CDH18: variants seen among roughly 807,000 people sequenced by gnomAD.
CDH18 encodes cadherin-18.
CDH18 carries 31 observed loss-of-function variants against 67.9 expected under a neutral mutation model. The observed-to-expected ratio is 0.46, with a 90% CI of 0.34 to 0.62. The LOEUF is 0.62. CDH18 is among the 20% of genes least tolerant of loss of function. The pLI is 0.01. For synonymous variants in CDH18, 362 were observed against 347.2 expected, an observed-to-expected ratio of 1.04 and a Z score of -0.48; for missense variants, 890 against 975.5, an observed-to-expected ratio of 0.91 and a Z score of 1.17.
intron 2 of CDH18, among the ~76,000 whole-genome samples, chr5:19,869,981 G>C (rs1224917776): frequency 6.6e-6 from 1 of 152,058 alleles, no homozygotes; most frequent in Admixed American, 6.6e-5. Flanking sequence ...GGAAATTCAA[G>C]TTGTAAACAT....
At chr5:19,520,314 C>T (rs1397205685) in intron 10 of CDH18, among the ~76,000 whole-genome samples, 1 of 152,186 alleles carries the variant, frequency 6.6e-6, no homozygotes, top group Admixed American at 6.5e-5. Flanking sequence ...GTCCCTCTGA[C>T]ACAATCAAGT....
At chr5:20,065,116 T>C (rs940900704) in intron 2 of CDH18, among the ~76,000 whole-genome samples, 7 of 151,972 alleles carry the variant, frequency 4.6e-5, no homozygotes, top group Non-Finnish European at 1.0e-4. Flanking sequence ...GGGAAACTTA[T>C]TGATATATTT....
At chr5:20,518,159 T>C (rs1017247924) in intron 1 of CDH18, among the ~76,000 whole-genome samples, 4 of 152,088 alleles carry the variant, frequency 2.6e-5, no homozygotes, top group Admixed American at 6.6e-5. Context: ...ATCTACTAAC[T>C]CTACCTGGGA....
At chr5:20,384,858 T>A in intron 1 of CDH18, among the ~76,000 whole-genome samples, 1 of 152,202 alleles carries the variant, frequency 6.6e-6, no homozygotes, top group South Asian at 2.1e-4. Flanking sequence ...TTATTTTGAG[T>A]TGGAGTCTCA....
chr5:20,567,313 A>G (rs1013404594), intron 1 of CDH18, among the ~76,000 whole-genome samples: 4 of 152,210 alleles, frequency 2.6e-5, no homozygotes, highest in Non-Finnish European at 5.9e-5. Context: ...TAAACTTTCA[A>G]TTTACACTCT....
intron 9 of CDH18, among the ~76,000 whole-genome samples, chr5:19,530,765 A>C (rs1488900003): frequency 1.3e-5 from 2 of 152,170 alleles, no homozygotes; most frequent in African/African-American, 4.8e-5. Flanking sequence ...ACACGAACTC[A>C]TCATTTTTTA....
chr5:20,112,538 A>C (rs2126352503), intron 2 of CDH18, among the ~76,000 whole-genome samples: 1 of 152,196 alleles, frequency 6.6e-6, no homozygotes, highest in East Asian at 1.9e-4. Context: ...ATTGAAAAAT[A>C]AATCCCCAAA....
At chr5:20,499,850 T>A (rs1324465858) in intron 1 of CDH18, among the ~76,000 whole-genome samples, 1 of 152,172 alleles carries the variant, frequency 6.6e-6, no homozygotes, top group Non-Finnish European at 1.5e-5. Flanking sequence ...TGCTGTATAC[T>A]GACAAATTGC....
At chr5:20,043,038 C>T (rs1286267742) in intron 2 of CDH18, among the ~76,000 whole-genome samples, 6 of 152,042 alleles carry the variant, frequency 3.9e-5, no homozygotes, top group South Asian at 2.1e-4. Context: ...TTCTCAACCT[C>T]AGCACTGGTG....
chr5:20,349,940 A>C (rs1159964942), intron 1 of CDH18, among the ~76,000 whole-genome samples: 1 of 152,160 alleles, frequency 6.6e-6, no homozygotes, highest in East Asian at 1.9e-4. Flanking sequence ...ATTGTTTTAA[A>C]GATGATGTCA....
intron 1 of CDH18, among the ~76,000 whole-genome samples, chr5:20,406,972 A>G (rs932052107): frequency 6.6e-6 from 1 of 152,116 alleles, no homozygotes; most frequent in African/African-American, 2.4e-5. Flanking sequence ...CTAGCTGTCA[A>G]CCTCTTCCTA....
At chr5:19,695,974 C>A (rs569406478) in intron 5 of CDH18, among the ~76,000 whole-genome samples, 1 of 152,040 alleles carries the variant, frequency 6.6e-6, no homozygotes, top group Non-Finnish European at 1.5e-5. Flanking sequence ...AAACTATCAG[C>A]GTAAGCATAG....
rs140874446 is a variant in CDH18 at position 20,483,786 on chromosome 5, G to C, written c.-580+91676C>G. Reference sequence around the variant, plus strand: ...CATATAGATCAGTTCAATCAGAATGGATTAAAAACACTTAAATCTAAGACC... The same window carrying C: ...CATATAGATCAGTTCAATCAGAATGCATTAAAAACACTTAAATCTAAGACC... On this transcript the variant is annotated intron_variant, in intron 1 of 14. Transcript: ENST00000507958. Among the ~76,000 whole-genome samples, 555 of 151,994 alleles carry C rather than the reference G, an allele frequency of 3.7e-3. 2 individuals are homozygous for C. The highest frequency in any genetic ancestry group is 5.6e-3 in the Non-Finnish European group (378 of 67,882).
intron 2 of CDH18, among the ~76,000 whole-genome samples, chr5:19,877,244 TA>T (rs2150043672): frequency 1.3e-5 from 2 of 152,200 alleles, no homozygotes; most frequent in East Asian, 3.9e-4. Flanking sequence ...TTAAATGTCG[TA>T]AAAAGTGGGG....
chr5:19,758,680 A>G (rs1378820667), intron 3 of CDH18, among the ~76,000 whole-genome samples: 1 of 152,220 alleles, frequency 6.6e-6, no homozygotes. Context: ...TCTTCATTGT[A>G]GGAGGTGCCA....
intron 1 of CDH18, among the ~76,000 whole-genome samples, chr5:20,274,635 T>TA (rs1561930800): frequency 6.6e-6 from 1 of 151,892 alleles, no homozygotes; most frequent in Non-Finnish European, 1.5e-5. Flanking sequence ...AACCTGTTCT[T>TA]AAAAAACAAA....
At chr5:20,418,117 C>T (rs949207682) in intron 1 of CDH18, among the ~76,000 whole-genome samples, 10 of 151,666 alleles carry the variant, frequency 6.6e-5, no homozygotes, top group East Asian at 1.9e-4. Flanking sequence ...TGTTGTCGGC[C>T]GGGGCTGGAG....
upstream of CDH18, among the ~76,000 whole-genome samples, chr5:19,990,848 C>G (rs935019431): frequency 6.6e-6 from 1 of 152,156 alleles, no homozygotes; most frequent in Non-Finnish European, 1.5e-5. Context: ...TAGGGAAAGC[C>G]AGGTGGTAGG....
intron 1 of CDH18, among the ~76,000 whole-genome samples, chr5:20,547,835 AT>A (rs1389175514): frequency 6.6e-6 from 1 of 152,136 alleles, no homozygotes; most frequent in East Asian, 1.9e-4. Flanking sequence ...TACTTAGTTG[AT>A]TAACATTTTT....
Sources: gnomAD v4.1 joint callset for allele counts (sites outside exome capture counted in the v4.1 genomes callset) on GRCh38, gnomAD v4.1.1 for gene constraint, MANE v1.5 for transcripts, NCBI Gene and HGNC (gene_info 2026-07-23, HGNC 2026-07-21) for gene names.